The following NFASC variants were observed in gnomAD, a reference collection of about 807,000 sequenced individuals.
NFASC encodes the protein neurofascin homolog.
Under a neutral mutation model 147.5 loss-of-function variants are expected in NFASC, and 43 were observed. The ratio of observed to expected loss-of-function variants is 0.29; its 90% confidence interval spans 0.23 to 0.38. The LOEUF (loss-of-function observed/expected upper bound fraction) is 0.38. Ranked by LOEUF, NFASC falls within the 10% of genes least tolerant of loss-of-function variation. NFASC has a pLI of 1.00. For synonymous variants in NFASC, 622 were observed against 665.5 expected, an observed-to-expected ratio of 0.93 and a Z score of 1.01; for missense variants, 1,320 against 1,689.0, an observed-to-expected ratio of 0.78 and a Z score of 3.83.
chr1:205,008,969 A>G (rs1251503393), intron 27 of NFASC: 1 of 169,372 alleles, frequency 5.9e-6, no homozygotes, highest in Admixed American at 5.7e-5. Flanking sequence ...TGAAAAGATG[A>G]CAGGGCATCC....
chr1:205,013,724 T>C (rs886661828), intron 29 of NFASC, among the ~76,000 whole-genome samples: 6 of 152,144 alleles, frequency 3.9e-5, no homozygotes, highest in Non-Finnish European at 8.8e-5. Context: ...CCAAGTGCTA[T>C]GGGAGGGAAT....
At position 204,973,409 on chromosome 1, in the gene NFASC, C is replaced by G. The variant is rs1367365707; in HGVS notation, c.1269C>G (p.Val423=). 6.2e-7 allele frequency: 1 copy of G among 1,614,084 alleles called. No individual in the cohort carries two copies. Among genetic ancestry groups the G allele is most frequent in the African/African-American group, 1.3e-5 (1 of 74,940 alleles). The change falls in exon 12 of 30, where the codon GTC becomes GTG. Residue 423 remains valine (V), a synonymous_variant. Coordinates refer to ENST00000339876, the MANE Select transcript of NFASC (RefSeq NM_001005388.3). ...GCTACCTGCTGGCCAACGCCTTTGT[C>G]AGTGTGCTGGGTGAGTGTGCCCTTC... ...EHGYLLANAF[V]SVLDVPPRML...
chr1:204,862,861 G>A (rs573953018), intron 1 of NFASC, among the ~76,000 whole-genome samples: 4 of 152,194 alleles, frequency 2.6e-5, no homozygotes, highest in Non-Finnish European at 5.9e-5. Context: ...CACATCTCTT[G>A]CTATAGCCTA....
Position 205,022,343 on chromosome 1 carries a change from A to C in NFASC, c.*5804A>C. The C allele has an allele frequency of 6.7e-6, 1 of 150,362 alleles. No homozygotes were observed. The highest frequency in any genetic ancestry group is 2.5e-5 in the African/African-American group (1 of 40,564). The allele number at this position is 150,362 out of a possible 1,614,324, so 9.3% of individuals were successfully genotyped here. A position where few individuals can be genotyped will look rare whatever the true frequency, so the allele number is the denominator to read the frequency against. On this transcript the variant is annotated 3_prime_UTR_variant, in exon 30 of 30. Coordinates refer to ENST00000339876, the MANE Select transcript of NFASC (RefSeq NM_001005388.3). The stretch of plus-strand genomic sequence containing the variant: ...CGTGGCCACCTTCTGTCCTGCTCCC[A>C]CTCCCGACCCATGCTGGACCCCGGA...
At chr1:204,982,502 G>A (rs976929962) in intron 21 of NFASC, among the ~76,000 whole-genome samples, 2 of 152,216 alleles carry the variant, frequency 1.3e-5, no homozygotes, top group African/African-American at 2.4e-5. Context: ...GGGATCAGGA[G>A]GCCTCCTCAG....
chr1:204,962,930 T>A (rs1280498617), intron 8 of NFASC, among the ~76,000 whole-genome samples: 1 of 152,142 alleles, frequency 6.6e-6, no homozygotes, highest in African/African-American at 2.4e-5. Flanking sequence ...CACACCTGAG[T>A]TACCCCTCAC....
chr1:205,016,750 T>G lies in NFASC; in HGVS notation c.*211T>G, dbSNP rs2096365779. ...CCTTCAGCCCCGGGTGCCACCAGTG[T>G]GGGAGAGCTGGAGCCGTGGCTGAGC... is the stretch of plus-strand genomic sequence containing the variant. On this transcript the variant is annotated 3_prime_UTR_variant, in exon 30 of 30. Coordinates refer to ENST00000339876, the MANE Select transcript of NFASC (RefSeq NM_001005388.3). The surrounding 1 kb of genome is among the most constrained non-coding windows in gnomAD (Gnocchi z 5.1). The G allele has an allele frequency of 1.6e-6, 1 of 629,240 alleles. No individual in the cohort carries two copies. Among genetic ancestry groups the G allele is most frequent in the African/African-American group, 1.8e-5 (1 of 55,862 alleles). 39.0% of individuals were successfully genotyped at this position (629,240 alleles called of 1,614,324 possible). A position where few individuals can be genotyped will look rare whatever the true frequency, so the allele number is the denominator to read the frequency against.
chr1:204,866,782 C>T (rs536301389), intron 1 of NFASC, among the ~76,000 whole-genome samples: 7 of 152,346 alleles, frequency 4.6e-5, no homozygotes, highest in Admixed American at 2.6e-4. Flanking sequence ...GAGGAAATAT[C>T]TGCACATATC....
chr1:204,994,068 A>T (rs1275032870), intron 24 of NFASC, among the ~76,000 whole-genome samples: 1 of 152,108 alleles, frequency 6.6e-6, no homozygotes, highest in East Asian at 1.9e-4. Flanking sequence ...GACACAGCTA[A>T]TGAGTGGGTC....
At chr1:204,879,626 T>A (rs1160673979) in intron 1 of NFASC, among the ~76,000 whole-genome samples, 3 of 152,168 alleles carry the variant, frequency 2.0e-5, no homozygotes, top group South Asian at 2.1e-4. Context: ...AATGGTACAT[T>A]TTTCTCTTGA....
At chr1:205,007,764 G>T (rs886607504) in intron 27 of NFASC, among the ~76,000 whole-genome samples, 1 of 152,202 alleles carries the variant, frequency 6.6e-6, no homozygotes, top group Non-Finnish European at 1.5e-5. Context: ...TGAGGACAGG[G>T]TGGTGGGAGG....
intron 25 of NFASC, chr1:205,000,910 C>T (rs2095967598): frequency 1.9e-6 from 1 of 528,526 alleles, no homozygotes; most frequent in Non-Finnish European, 3.4e-6. Context: ...GCTCTCCCTC[C>T]GAAGTCCTCC....
intron 1 of NFASC, among the ~76,000 whole-genome samples, chr1:204,866,788 A>C (rs2102931858): frequency 6.6e-6 from 1 of 152,334 alleles, no homozygotes; most frequent in Middle Eastern, 3.4e-3. Flanking sequence ...ATATCTGCAC[A>C]TATCATTACA....
intron 8 of NFASC, among the ~76,000 whole-genome samples, chr1:204,960,855 A>G (rs1021991398): frequency 2.0e-5 from 3 of 152,170 alleles, no homozygotes; most frequent in Admixed American, 2.0e-4. Flanking sequence ...CCATCTTAAG[A>G]GAGAGTTCTG....
intron 22 of NFASC, among the ~76,000 whole-genome samples, chr1:204,988,165 G>T (rs2095654022): frequency 6.6e-6 from 1 of 152,228 alleles, no homozygotes; most frequent in Non-Finnish European, 1.5e-5. Context: ...AATTTTAATA[G>T]CCAACTCTGT....
chr1:204,923,452 C>T (rs1005381714), intron 2 of NFASC, among the ~76,000 whole-genome samples: 3 of 152,122 alleles, frequency 2.0e-5, no homozygotes, highest in African/African-American at 7.2e-5. Flanking sequence ...AGACACTGGC[C>T]CTCTGATGCA....
At chr1:204,844,896 G>A (rs1269729209) in intron 1 of NFASC, among the ~76,000 whole-genome samples, 2 of 152,130 alleles carry the variant, frequency 1.3e-5, no homozygotes, top group African/African-American at 4.8e-5. Flanking sequence ...GGAGAGTTGT[G>A]TGTCTGTTCC....
intron 1 of NFASC, among the ~76,000 whole-genome samples, chr1:204,830,907 C>T (rs1672047469): frequency 6.6e-6 from 1 of 152,186 alleles, no homozygotes; most frequent in South Asian, 2.1e-4. Context: ...GTGCAGTAAA[C>T]TCTGAATGGG....
intron 1 of NFASC, among the ~76,000 whole-genome samples, chr1:204,917,161 G>A (rs1335900084): frequency 6.6e-6 from 1 of 152,168 alleles, no homozygotes; most frequent in Non-Finnish European, 1.5e-5. Flanking sequence ...AGGCTGCAGT[G>A]AGCTGTGATC....
Sources: allele counts gnomAD v4.1 joint callset (sites outside exome capture counted in the v4.1 genomes callset), GRCh38; gene constraint gnomAD v4.1.1; non-coding constraint Gnocchi (gnomAD v3.1); transcripts MANE v1.5; gene names NCBI Gene and HGNC (gene_info 2026-07-23, HGNC 2026-07-21).